USH2A: variants seen among roughly 807,000 people sequenced by gnomAD.
USH2A encodes usherin.
Under a neutral mutation model 538.9 loss-of-function variants are expected in USH2A, and 443 were observed. The ratio of observed to expected loss-of-function variants is 0.82; its 90% confidence interval spans 0.76 to 0.89. USH2A has a LOEUF of 0.89. Ranked by LOEUF, USH2A falls within the 40% of genes least tolerant of loss-of-function variation. The probability of loss-of-function intolerance (pLI) is 0.00; values close to 1 mark genes in which losing one functional copy is unlikely to be tolerated. For synonymous variants in USH2A, 2,413 were observed against 2,273.5 expected (o/e 1.06, Z -1.75); for missense variants, 6,633 against 6,324.8 (o/e 1.05, Z -1.65).
At chr1:215,841,389 T>C (rs12049485) in intron 46 of USH2A, among the ~76,000 whole-genome samples, 53,224 of 151,872 alleles carry the variant, frequency 0.35, 10,567 homozygotes, top group Admixed American at 0.51. Context: ...GAAATAAGAC[T>C]GCACATTTAC....
At chr1:215,780,457 T>A (rs1007181582) in intron 54 of USH2A, among the ~76,000 whole-genome samples, 1 of 152,206 alleles carries the variant, frequency 6.6e-6, no homozygotes, top group Admixed American at 6.5e-5. Context: ...AAAAGCCACA[T>A]CTGAACTTGC....
intron 3 of USH2A, among the ~76,000 whole-genome samples, chr1:216,381,484 T>A (rs2038922264): frequency 6.6e-6 from 1 of 152,092 alleles, no homozygotes. Context: ...ACGATGAAGT[T>A]TTTTACAAAG....
chr1:216,259,457 G>A (rs943825894), intron 11 of USH2A, among the ~76,000 whole-genome samples: 11 of 152,000 alleles, frequency 7.2e-5, no homozygotes, highest in African/African-American at 2.7e-4. Context: ...AAATTATAAT[G>A]AAGCTGATCT....
intron 49 of USH2A, among the ~76,000 whole-genome samples, chr1:215,810,096 T>C (rs1662624409): frequency 6.6e-6 from 1 of 152,136 alleles, no homozygotes; most frequent in Non-Finnish European, 1.5e-5. Flanking sequence ...GACACCAGGG[T>C]ATGCATTCTA....
intron 71 of USH2A, among the ~76,000 whole-genome samples, chr1:215,626,351 A>T (rs1352837711): frequency 1.3e-5 from 2 of 150,998 alleles, no homozygotes; most frequent in East Asian, 3.9e-4. Flanking sequence ...TTTAGTAGAG[A>T]TGGGGTTTCA....
chr1:216,168,490 T>C (rs1247266971), intron 21 of USH2A, among the ~76,000 whole-genome samples: 8 of 152,180 alleles, frequency 5.3e-5, no homozygotes, highest in Non-Finnish European at 1.5e-5. Flanking sequence ...TGTTCACTGC[T>C]GGGCAAAGGT....
At chr1:215,897,255 C>T (rs933076321) in intron 40 of USH2A, among the ~76,000 whole-genome samples, 5 of 152,208 alleles carry the variant, frequency 3.3e-5, no homozygotes, top group African/African-American at 1.2e-4. Flanking sequence ...CCATTGGTGA[C>T]CCATTTTGGC....
chr1:216,248,755 T>C (rs528158463), intron 12 of USH2A, among the ~76,000 whole-genome samples: 1 of 152,096 alleles, frequency 6.6e-6, no homozygotes, highest in Non-Finnish European at 1.5e-5. Flanking sequence ...TCATATCATA[T>C]CAGTTTTAAA....
chr1:215,705,408 G>A (rs567789684), intron 61 of USH2A, among the ~76,000 whole-genome samples: 7 of 152,080 alleles, frequency 4.6e-5, no homozygotes, highest in South Asian at 2.1e-4. Context: ...TCGTACCAAC[G>A]GTGCACAGAA....
chr1:216,307,095 A>G (rs1252563791), intron 9 of USH2A, among the ~76,000 whole-genome samples: 1 of 152,066 alleles, frequency 6.6e-6, no homozygotes, highest in Non-Finnish European at 1.5e-5. Context: ...TCTCCTGGAT[A>G]AGTTTCTCAG....
chr1:216,117,236 T>C (rs921595555), intron 21 of USH2A, among the ~76,000 whole-genome samples: 2 of 152,136 alleles, frequency 1.3e-5, no homozygotes, highest in African/African-American at 2.4e-5. Context: ...GGCCAAGGAA[T>C]ACCTAAACTA....
At chr1:216,021,212 G>T (rs1668837225) in intron 32 of USH2A, among the ~76,000 whole-genome samples, 1 of 152,150 alleles carries the variant, frequency 6.6e-6, no homozygotes, top group African/African-American at 2.4e-5. Context: ...TGGTTTGGCT[G>T]TGTCCCTGCC....
intron 61 of USH2A, among the ~76,000 whole-genome samples, chr1:215,700,408 T>C (rs1227905746): frequency 2.0e-5 from 3 of 152,222 alleles, no homozygotes; most frequent in Non-Finnish European, 4.4e-5. Flanking sequence ...GTACCTCTGG[T>C]AGAATTCGGC....
At chr1:216,162,410 C>T (rs901883440) in intron 21 of USH2A, among the ~76,000 whole-genome samples, 1 of 151,938 alleles carries the variant, frequency 6.6e-6, no homozygotes, top group Non-Finnish European at 1.5e-5. Flanking sequence ...TCCACCTTGT[C>T]CTTTATTTTC....
intron 20 of USH2A, among the ~76,000 whole-genome samples, chr1:216,176,776 T>C (rs575696089): frequency 7.0e-4 from 106 of 152,240 alleles, no homozygotes; most frequent in African/African-American, 2.3e-3. Context: ...TTCCAGAAAG[T>C]CATATAGTTG....
At chr1:216,251,567 C>G (rs1022969939) in intron 11 of USH2A, among the ~76,000 whole-genome samples, 5 of 150,658 alleles carry the variant, frequency 3.3e-5, no homozygotes, top group Non-Finnish European at 7.4e-5. Context: ...TCTCCTGCCT[C>G]AGCCTTCCGA....
At chr1:216,252,297 T>C (rs2036178345) in intron 11 of USH2A, among the ~76,000 whole-genome samples, 1 of 152,216 alleles carries the variant, frequency 6.6e-6, no homozygotes, top group Non-Finnish European at 1.5e-5. Flanking sequence ...GGGTACAGAC[T>C]TCAAATCTCT....
intron 21 of USH2A, among the ~76,000 whole-genome samples, chr1:216,140,464 C>T (rs574949392): frequency 6.6e-6 from 1 of 151,980 alleles, no homozygotes; most frequent in South Asian, 2.1e-4. Context: ...AATATTTGTT[C>T]AAAAAAAGAG....
At chr1:216,254,328 A>C (rs904092278) in intron 11 of USH2A, among the ~76,000 whole-genome samples, 8 of 152,096 alleles carry the variant, frequency 5.3e-5, no homozygotes, top group African/African-American at 1.9e-4. Context: ...CTACCTTTTT[A>C]ATGTGAGAAA....
Sources: gnomAD v4.1 joint callset for allele counts (sites outside exome capture counted in the v4.1 genomes callset) on GRCh38, gnomAD v4.1.1 for gene constraint, MANE v1.5 for transcripts, NCBI Gene and HGNC (gene_info 2026-07-23, HGNC 2026-07-21) for gene names.